The following NIPA1 variants were observed in gnomAD, a reference collection of about 807,000 sequenced individuals.
The protein encoded by NIPA1 is NIPA magnesium transporter 1.
In NIPA1, 13 loss-of-function variants were observed where a neutral mutation model predicts 23.9. That is an observed-to-expected ratio of 0.54 (90% CI 0.35 to 0.87). NIPA1 has a LOEUF of 0.87. Among genes scored for constraint, NIPA1 ranks in the 40% least tolerant of loss-of-function variants. The pLI, the probability that NIPA1 is intolerant of heterozygous loss-of-function variation, is 0.01. For missense variants in NIPA1, 362 were observed against 429.7 expected (o/e 0.84, Z 1.39); for synonymous variants, 234 against 202.9 (o/e 1.15, Z -1.30).
At chr15:22,815,681 C>A (rs780928487) in intron 3 of NIPA1, among the ~76,000 whole-genome samples, 6 of 145,810 alleles carry the variant, frequency 4.1e-5, no homozygotes, top group Non-Finnish European at 7.5e-5. Flanking sequence ...TGAACTAATT[C>A]TCTTATGAAT....
chr15:22,799,937 C>T (rs1895034972), intron 1 of NIPA1, among the ~76,000 whole-genome samples: 1 of 114,338 alleles, frequency 8.7e-6, no homozygotes, highest in Non-Finnish European at 1.7e-5. Flanking sequence ...GAATGAGACC[C>T]TGTCTCAAAA....
At chr15:22,821,146 T>C (rs1895531041) in intron 4 of NIPA1, among the ~76,000 whole-genome samples, 1 of 151,600 alleles carries the variant, frequency 6.6e-6, no homozygotes, top group Admixed American at 6.6e-5. Context: ...TTTGTATTTT[T>C]AGTAGAGATG....
At chr15:22,791,553 G>A (rs567267885) in intron 1 of NIPA1, among the ~76,000 whole-genome samples, 2 of 126,298 alleles carry the variant, frequency 1.6e-5, no homozygotes, top group South Asian at 2.6e-4. Flanking sequence ...GTGCCATCTC[G>A]GCTCACTGTA....
chr15:22,793,203 G>A (rs1363180419), intron 1 of NIPA1, among the ~76,000 whole-genome samples: 5 of 149,854 alleles, frequency 3.3e-5, no homozygotes, highest in African/African-American at 1.2e-4. Flanking sequence ...ACAAAAATTA[G>A]CCGGGCGTGG....
Position 22,826,674 on chromosome 15 carries a change from C to T in NIPA1, c.*2435C>T, listed in dbSNP as rs1300705230. The T allele has an allele frequency of 2.0e-5, 3 of 152,134 alleles. No individual in the cohort carries two copies. Among genetic ancestry groups the T allele is most frequent in the Non-Finnish European group, 4.4e-5 (3 of 68,024 alleles). 9.4% of individuals were successfully genotyped at this position (152,134 alleles called of 1,614,324 possible). A position where few individuals can be genotyped will look rare whatever the true frequency, so the allele number is the denominator to read the frequency against. On this transcript the variant is annotated 3_prime_UTR_variant, in exon 5 of 5. Coordinates refer to ENST00000337435, the MANE Select transcript of NIPA1 (RefSeq NM_144599.5). ...GAGAGGTGATACCCGATGATCTTCT[C>T]TATAATATTCTTAGAGTAAAACAAA...
Position 22,824,086 on chromosome 15 carries a change from C to T in NIPA1, c.837C>T (p.Leu279=), listed in dbSNP as rs376319442. 9 of 1,614,176 alleles carry T rather than the reference C, an allele frequency of 5.6e-6. No individual in the cohort carries two copies. The highest frequency in any genetic ancestry group is 1.6e-4 in the Middle Eastern group (1 of 6,062). The stretch of plus-strand genomic sequence containing the variant: ...TGGTCCTGCTGGCCTCAGCCATCCT[C>T]TTCCGGGAGTGGAGCAACGTGGGCC... The part of the protein sequence containing the change: ...TTLVLLASAI[L]FREWSNVGLV... The change falls in exon 5 of 5, where the codon CTC becomes CTT. Residue 279 remains leucine, a synonymous_variant. Transcript: ENST00000337435. The surrounding 1 kb of genome is among the most constrained non-coding windows in gnomAD (Gnocchi z 4.1).
chr15:22,789,393 G>A (rs1052326139), intron 1 of NIPA1, among the ~76,000 whole-genome samples: 1 of 152,168 alleles, frequency 6.6e-6, no homozygotes, highest in Non-Finnish European at 1.5e-5. Flanking sequence ...TGACTCTTCA[G>A]AGCCTCCCGT....
intron 4 of NIPA1, among the ~76,000 whole-genome samples, chr15:22,823,174 G>A (rs956343671): frequency 6.7e-6 from 1 of 150,062 alleles, no homozygotes; most frequent in Non-Finnish European, 1.5e-5. Context: ...GCCTCCCAAA[G>A]TGCTGGGATT....
At chr15:22,821,826 A>T (rs77176760) in intron 4 of NIPA1, among the ~76,000 whole-genome samples, 2 of 152,328 alleles carry the variant, frequency 1.3e-5, no homozygotes, top group South Asian at 4.1e-4. Context: ...TCCATTTGTG[A>T]TGTTGGAATG....
intron 4 of NIPA1, among the ~76,000 whole-genome samples, chr15:22,822,775 A>G (rs67401591): frequency 0.3 from 44,861 of 151,396 alleles, 6,823 homozygotes; most frequent in Non-Finnish European, 0.33. Context: ...TGCAGTGAGC[A>G]GAGATCGTGC....
chr15:22,810,726 A>AT lies in NIPA1; in HGVS notation c.179-17dup. 3.2e-6 allele frequency: 5 copies of AT among 1,560,618 alleles called. No homozygotes were observed. Among genetic ancestry groups the AT allele is most frequent in the Middle Eastern group, 1.7e-4 (1 of 5,950 alleles). Reference sequence around the variant, plus strand: ...TAGCTGGTAAACCCACTTTTCTGACATTTTTTATCTCATTTTTTATAGGTA... The same window carrying AT: ...TAGCTGGTAAACCCACTTTTCTGACATTTTTTTATCTCATTTTTTATAGGTA... On this transcript the variant is annotated intron_variant, in intron 1 of 4. Coordinates refer to ENST00000337435, the MANE Select transcript of NIPA1 (RefSeq NM_144599.5).
chr15:22,824,453 A>G lies in NIPA1; in HGVS notation c.*214A>G, dbSNP rs1328333063. 1 of 585,310 alleles carries G rather than the reference A, an allele frequency of 1.7e-6. No individual in the cohort carries two copies. The highest frequency in any genetic ancestry group is 1.9e-5 in the African/African-American group (1 of 53,726). 36.3% of individuals were successfully genotyped at this position (585,310 alleles called of 1,614,324 possible). ...CAAACGTCCCCAACGGTTGCCTGGCACCATCTCTCTCTGATGAGACGAATC... is the reference window on the plus strand; with the variant it reads ...CAAACGTCCCCAACGGTTGCCTGGCGCCATCTCTCTCTGATGAGACGAATC... On this transcript the variant is annotated 3_prime_UTR_variant, in exon 5 of 5. Coordinates refer to ENST00000337435, the MANE Select transcript of NIPA1 (RefSeq NM_144599.5). This position sits in a 1 kb window ranked among gnomAD's most constrained non-coding sequence, Gnocchi z 4.1.
At chr15:22,818,568 G>T (rs1383735524) in intron 3 of NIPA1, among the ~76,000 whole-genome samples, 1 of 151,952 alleles carries the variant, frequency 6.6e-6, no homozygotes, top group Admixed American at 6.6e-5. Flanking sequence ...AGGCGAGGCG[G>T]GTGAATCACT....
chr15:22,789,447 A>G (rs1286295578), intron 1 of NIPA1, among the ~76,000 whole-genome samples: 3 of 152,156 alleles, frequency 2.0e-5, no homozygotes, highest in Non-Finnish European at 2.9e-5. Flanking sequence ...TCTGGACCCA[A>G]GGTCCTTTCC....
rs567311410 is a variant in NIPA1, at chr15:22,819,094, C to T, written c.318-1219C>T. On this transcript the variant is annotated intron_variant, in intron 3 of 4. Coordinates refer to ENST00000337435, the MANE Select transcript of NIPA1 (RefSeq NM_144599.5). Reference sequence around the variant, plus strand: ...TTTCTTTCAGTGATGTTGCTTATTTCCCCAATGACACTGTTGGGAGCTTCT... The same window carrying T: ...TTTCTTTCAGTGATGTTGCTTATTTTCCCAATGACACTGTTGGGAGCTTCT... 5.3e-5 allele frequency among the ~76,000 whole-genome samples: 8 copies of T among 152,178 alleles called. No homozygotes were observed. The South Asian group carries it at 1.7e-3, about 32-fold the overall frequency.
chr15:22,824,322 C>T lies in NIPA1; in HGVS notation c.*83C>T. On this transcript the variant is annotated 3_prime_UTR_variant, in exon 5 of 5. Transcript: ENST00000337435. The surrounding 1 kb of genome is among the most constrained non-coding windows in gnomAD (Gnocchi z 4.1). ...TGATTGGATGTGAAGTAGAAGAGGT[C>T]CTCGATCATGGTGTTAGAATTGACT... The T allele has an allele frequency of 8.5e-7, 1 of 1,173,502 alleles. No individual in the cohort carries two copies. The highest frequency in any genetic ancestry group is 1.3e-6 in the Non-Finnish European group (1 of 781,956). The allele number at this position is 1,173,502 out of a possible 1,614,324, so 72.7% of individuals were successfully genotyped here.
intron 1 of NIPA1, among the ~76,000 whole-genome samples, chr15:22,807,781 CTT>C (rs1895238338): frequency 1.1e-5 from 1 of 88,402 alleles, no homozygotes; most frequent in Non-Finnish European, 1.9e-5. Flanking sequence ...TTTAAATTCA[CTT>C]GTGTGTGTGT....
At chr15:22,787,786 A>G (rs1232973454) in intron 1 of NIPA1, among the ~76,000 whole-genome samples, 4 of 152,210 alleles carry the variant, frequency 2.6e-5, no homozygotes, top group Admixed American at 2.6e-4. Context: ...TGTGAGAGAA[A>G]GTGAACTCGT....
At chr15:22,799,594 A>T (rs1011905346) in intron 1 of NIPA1, among the ~76,000 whole-genome samples, 1 of 152,048 alleles carries the variant, frequency 6.6e-6, no homozygotes, top group Admixed American at 6.6e-5. Context: ...CATCCTGGCT[A>T]ACACGGTGAA....
Sources: allele counts gnomAD v4.1 joint callset (sites outside exome capture counted in the v4.1 genomes callset), GRCh38; gene constraint gnomAD v4.1.1; non-coding constraint Gnocchi (gnomAD v3.1); transcripts MANE v1.5; gene names NCBI Gene and HGNC (gene_info 2026-07-23, HGNC 2026-07-21).